Variants in SGCZ observed in about 807,000 individuals in gnomAD.
SGCZ encodes sarcoglycan zeta, also known as zeta-sarcoglycan.
In SGCZ, 40 loss-of-function variants were observed where a neutral mutation model predicts 41.3. The ratio of observed to expected loss-of-function variants is 0.97; its 90% CI spans 0.75 to 1.26. The LOEUF is 1.26. Ranked by LOEUF, SGCZ falls within the 50% of genes most tolerant of loss-of-function variation. The probability of loss-of-function intolerance (pLI) is 0.00; values close to 1 mark genes in which losing one functional copy is unlikely to be tolerated. For synonymous variants in SGCZ, 206 were observed against 137.5 expected (o/e 1.50, Z -3.49); for missense variants, 552 against 369.8 (o/e 1.49, Z -4.04).
chr8:14,203,057 A>C (rs541024170), intron 4 of SGCZ, among the ~76,000 whole-genome samples: 1 of 152,276 alleles, frequency 6.6e-6, no homozygotes, highest in South Asian at 2.1e-4. Context: ...CCATCCATGT[A>C]AGATGTGACT....
intron 2 of SGCZ, among the ~76,000 whole-genome samples, chr8:14,382,011 G>A (rs185791070): frequency 3.4e-4 from 52 of 151,930 alleles, no homozygotes; most frequent in East Asian, 2.3e-3. Context: ...TGTCATTTCC[G>A]GAGCTTTACC....
intron 4 of SGCZ, among the ~76,000 whole-genome samples, chr8:14,231,304 G>A (rs138437429): frequency 0.012 from 1,885 of 151,846 alleles, 14 homozygotes; most frequent in Non-Finnish European, 0.019. Context: ...TGTCTTGAAT[G>A]TTGGAGGTGG....
At chr8:14,615,008 G>C (rs1806052379) in intron 1 of SGCZ, among the ~76,000 whole-genome samples, 1 of 147,102 alleles carries the variant, frequency 6.8e-6, no homozygotes, top group South Asian at 2.1e-4. Context: ...ATGTGTGTGT[G>C]TGTGTATATA....
At chr8:14,112,268 GA>G (rs1474743454) in intron 5 of SGCZ, among the ~76,000 whole-genome samples, 3 of 116,242 alleles carry the variant, frequency 2.6e-5, no homozygotes, top group Middle Eastern at 4.5e-3. Context: ...TGAATTTTTT[GA>G]GTTTTTTTTT....
intron 2 of SGCZ, among the ~76,000 whole-genome samples, chr8:14,494,746 T>A (rs1801941971): frequency 6.6e-6 from 1 of 152,180 alleles, no homozygotes; most frequent in Admixed American, 6.5e-5. Flanking sequence ...CTTGTGACTG[T>A]TTGTAACCAG....
intron 1 of SGCZ, among the ~76,000 whole-genome samples, chr8:14,666,953 G>GTATATAAA (rs1478831630): frequency 6.6e-6 from 1 of 151,730 alleles, no homozygotes; most frequent in Admixed American, 6.6e-5. Context: ...ACATATATAT[G>GTATATAAA]CACACAAATA....
Position 14,329,989 on chromosome 8 carries a change from A to G in SGCZ, c.235-5785T>C, listed in dbSNP as rs367588532. Among the ~76,000 whole-genome samples, 209 of 152,208 alleles carry G rather than the reference A, an allele frequency of 1.4e-3. 2 individuals carry two copies. The highest frequency in any genetic ancestry group is 4.8e-3 in the African/African-American group (200 of 41,552). ...GATCCATGCATTCTAGCTGCTTGAG[A>G]TAATCTTCACTGCCATTTCCTTTTA... On this transcript the variant is annotated intron_variant, in intron 2 of 7. Transcript: ENST00000382080.
At chr8:14,730,608 C>G (rs1395187601) in intron 1 of SGCZ, among the ~76,000 whole-genome samples, 1 of 148,856 alleles carries the variant, frequency 6.7e-6, no homozygotes, top group Non-Finnish European at 1.5e-5. Flanking sequence ...ACATCAGGTT[C>G]TGCTTGAAGT....
chr8:14,502,886 G>C (rs1190589232), intron 2 of SGCZ, among the ~76,000 whole-genome samples: 1 of 152,178 alleles, frequency 6.6e-6, no homozygotes, highest in Non-Finnish European at 1.5e-5. Context: ...AGACAGTGTG[G>C]TGATTCCTCA....
At chr8:15,056,871 C>T (rs1322437505) in intron 1 of SGCZ, among the ~76,000 whole-genome samples, 1 of 152,152 alleles carries the variant, frequency 6.6e-6, no homozygotes, top group Non-Finnish European at 1.5e-5. Context: ...GGGCCCAGTT[C>T]ACCTCTCTGA....
At chr8:14,150,371 G>T (rs568589484) in intron 5 of SGCZ, among the ~76,000 whole-genome samples, 4 of 152,018 alleles carry the variant, frequency 2.6e-5, no homozygotes, top group African/African-American at 4.8e-5. Flanking sequence ...ATGGGCAAAA[G>T]AATAGATATT....
At chr8:14,415,479 C>A (rs1799469587) in intron 2 of SGCZ, among the ~76,000 whole-genome samples, 1 of 151,778 alleles carries the variant, frequency 6.6e-6, no homozygotes, top group East Asian at 1.9e-4. Context: ...TGCCATAGGT[C>A]CTGAAAATAT....
chr8:14,941,125 C>T (rs1047897851), intron 1 of SGCZ, among the ~76,000 whole-genome samples: 1 of 152,006 alleles, frequency 6.6e-6, no homozygotes, highest in African/African-American at 2.4e-5. Flanking sequence ...GGTGAGAATG[C>T]TCAGAATCAG....
chr8:14,299,069 T>G lies in SGCZ; in HGVS notation c.336+25034A>C, dbSNP rs151065443. ...AACAAAAACTGATTTTCAACAAAGT[T>G]GCCAAAGCAATTCAATGGAGAAAGA... On this transcript the variant is annotated intron_variant, in intron 3 of 7. Transcript: ENST00000382080. 2.4e-3 allele frequency among the ~76,000 whole-genome samples: 369 copies of G among 152,138 alleles called. 1 individual carries two copies. The highest frequency in any genetic ancestry group is 8.6e-3 in the African/African-American group (359 of 41,556).
chr8:14,350,823 G>A (rs1170624581), intron 2 of SGCZ, among the ~76,000 whole-genome samples: 1 of 152,100 alleles, frequency 6.6e-6, no homozygotes. Context: ...TAAGGCAAGT[G>A]TATACCATGA....
At chr8:14,316,579 T>G (rs1468956596) in intron 3 of SGCZ, among the ~76,000 whole-genome samples, 1 of 151,978 alleles carries the variant, frequency 6.6e-6, no homozygotes, top group Non-Finnish European at 1.5e-5. Context: ...AGAGGCTGTT[T>G]TGCACTCTTT....
chr8:14,895,300 A>G (rs1805155051), intron 1 of SGCZ, among the ~76,000 whole-genome samples: 2 of 152,122 alleles, frequency 1.3e-5, no homozygotes, highest in Non-Finnish European at 2.9e-5. Context: ...TAGTGTACTC[A>G]TCTCTTAAAT....
chr8:14,969,977 G>A (rs1270026675), intron 1 of SGCZ, among the ~76,000 whole-genome samples: 2 of 152,086 alleles, frequency 1.3e-5, no homozygotes, highest in African/African-American at 4.8e-5. Context: ...CTCCCCTAGT[G>A]TATGAGAGTT....
chr8:14,689,123 G>C (rs931005428), intron 1 of SGCZ, among the ~76,000 whole-genome samples: 3 of 152,126 alleles, frequency 2.0e-5, no homozygotes, highest in Admixed American at 2.0e-4. Flanking sequence ...CTACTCTTGA[G>C]TAGCTCTTTA....
Sources: allele counts gnomAD v4.1 joint callset (sites outside exome capture counted in the v4.1 genomes callset), GRCh38; gene constraint gnomAD v4.1.1; transcripts MANE v1.5; gene names NCBI Gene and HGNC (gene_info 2026-07-23, HGNC 2026-07-21).